Variants in ATP2B4 observed in about 807,000 individuals in gnomAD.
ATP2B4 encodes the protein plasma membrane calcium-transporting ATPase 4.
A neutral mutation model predicts 110.3 loss-of-function variants in ATP2B4; 39 were observed. The observed-to-expected ratio is 0.35, with a 90% CI of 0.27 to 0.46. The LOEUF (loss-of-function observed/expected upper bound fraction) is 0.46, where lower values mean the gene tolerates loss of function less well. Ranked by LOEUF, ATP2B4 falls within the 20% of genes least tolerant of loss-of-function variation. The probability of loss-of-function intolerance (pLI) is 1.00; values close to 1 mark genes in which losing one functional copy is unlikely to be tolerated. For synonymous variants in ATP2B4, 538 were observed against 571.7 expected (o/e 0.94, Z 0.84); for missense variants, 1,135 against 1,530.9 (o/e 0.74, Z 4.32).
intron 9 of ATP2B4, 136 bp from the exon 10 acceptor site, chr1:203,707,726 C>A: frequency 8.2e-7 from 1 of 1,222,150 alleles, no homozygotes; most frequent in Non-Finnish European, 1.2e-6. Context: ...TCACTGCACC[C>A]AGTCAGTATC....
At chr1:203,728,168 A>G (rs763430433) in intron 20 of ATP2B4, 1 of 466,492 alleles carries the variant, frequency 2.1e-6, no homozygotes, top group South Asian at 1.6e-5. Flanking sequence ...TGCAGGATTC[A>G]GACTTGCTTC....
intron 20 of ATP2B4, chr1:203,733,139 C>T: frequency 7.4e-7 from 1 of 1,355,324 alleles, no homozygotes; most frequent in Non-Finnish European, 1.0e-6. Flanking sequence ...CTTCCCCAAC[C>T]TTCCATGACC....
chr1:203,675,600 G>A (rs933748992), intron 1 of ATP2B4, among the ~76,000 whole-genome samples: 10 of 152,112 alleles, frequency 6.6e-5, no homozygotes, highest in Non-Finnish European at 1.2e-4. Flanking sequence ...CTGAGACCCA[G>A]GGGCTACGAG....
At chr1:203,731,581 G>A (rs1450805418) in intron 20 of ATP2B4, among the ~76,000 whole-genome samples, 10 of 152,170 alleles carry the variant, frequency 6.6e-5, no homozygotes, top group Admixed American at 1.3e-4. Context: ...GGCCGGGCGC[G>A]GTGGCTCACA....
chr1:203,627,554 C>A (rs1663125666), intron 1 of ATP2B4, among the ~76,000 whole-genome samples: 1 of 151,986 alleles, frequency 6.6e-6, no homozygotes, highest in South Asian at 2.1e-4. Context: ...CCTCCCTCAA[C>A]CCATTCCGTT....
intron 1 of ATP2B4, among the ~76,000 whole-genome samples, chr1:203,660,820 G>A (rs1664316281): frequency 6.6e-6 from 1 of 150,626 alleles, no homozygotes; most frequent in Admixed American, 6.6e-5. Flanking sequence ...ATAAGAAGAA[G>A]AGCACAGGGA....
At chr1:203,632,305 A>G (rs2102293202) in intron 1 of ATP2B4, among the ~76,000 whole-genome samples, 1 of 151,876 alleles carries the variant, frequency 6.6e-6, no homozygotes, top group South Asian at 2.1e-4. Flanking sequence ...AGTACAGTAT[A>G]TAGTATGCCA....
intron 9 of ATP2B4, among the ~76,000 whole-genome samples, chr1:203,707,494 T>C (rs1483572634): frequency 1.3e-5 from 2 of 151,848 alleles, no homozygotes; most frequent in African/African-American, 4.8e-5. Context: ...TCACCCAGGC[T>C]GGAATGCAAT....
At chr1:203,641,849 G>T (rs893875059) in intron 1 of ATP2B4, among the ~76,000 whole-genome samples, 1 of 152,158 alleles carries the variant, frequency 6.6e-6, no homozygotes, top group African/African-American at 2.4e-5. Context: ...GAGAGCAATG[G>T]TCTTCGCCTT....
At chr1:203,727,593 C>T (rs1666562482) in intron 20 of ATP2B4, 22 bp downstream of exon 20, 1 of 1,611,390 alleles carries the variant, frequency 6.2e-7, no homozygotes, top group Non-Finnish European at 8.5e-7. Context: ...GTGGTCTGTC[C>T]TTCCCTTGGG....
At chr1:203,722,388 G>GC in intron 17 of ATP2B4, 90 bp from the exon 18 acceptor site, 1 of 1,022,166 alleles carries the variant, frequency 9.8e-7, no homozygotes, top group Non-Finnish European at 1.5e-6. Context: ...ATGGACACCA[G>GC]CCATAAGCAA....
intron 3 of ATP2B4, 108 bp from the exon 4 acceptor site, chr1:203,699,352 T>C: frequency 6.9e-7 from 1 of 1,452,230 alleles, no homozygotes; most frequent in Non-Finnish European, 9.4e-7. Flanking sequence ...TTTGCTATTA[T>C]TCACTTTTCC....
intron 2 of ATP2B4, among the ~76,000 whole-genome samples, chr1:203,687,239 A>G (rs947123264): frequency 2.1e-5 from 3 of 145,818 alleles, no homozygotes; most frequent in African/African-American, 7.5e-5. Flanking sequence ...AGATAAGAAA[A>G]GGAGAAAAAA....
chr1:203,633,473 G>C (rs1309984119), intron 1 of ATP2B4, among the ~76,000 whole-genome samples: 2 of 152,088 alleles, frequency 1.3e-5, no homozygotes, highest in Non-Finnish European at 2.9e-5. Flanking sequence ...AAATTAAAAA[G>C]TAAATGCCAG....
chr1:203,644,737 G>C (rs1475501599), intron 1 of ATP2B4, among the ~76,000 whole-genome samples: 1 of 152,138 alleles, frequency 6.6e-6, no homozygotes, highest in Non-Finnish European at 1.5e-5. Flanking sequence ...ATCTTCCTAG[G>C]AAGTTGGTGA....
chr1:203,664,964 T>C (rs572133537), intron 1 of ATP2B4, among the ~76,000 whole-genome samples: 155 of 152,234 alleles, frequency 1.0e-3, no homozygotes, highest in African/African-American at 3.5e-3. Context: ...CCCGAGTAGC[T>C]GGGACTACAG....
intron 2 of ATP2B4, among the ~76,000 whole-genome samples, chr1:203,696,223 G>A (rs1199860225): frequency 8.5e-5 from 13 of 152,102 alleles, no homozygotes; most frequent in Non-Finnish European, 1.5e-4. Context: ...CACCACGCCC[G>A]GCCCACTCTT....
intron 11 of ATP2B4, 90 bp downstream of exon 11, chr1:203,709,632 G>A (rs1207903435): frequency 1.6e-5 from 25 of 1,572,960 alleles, no homozygotes; most frequent in Non-Finnish European, 2.2e-5. Flanking sequence ...ATGTGAATGA[G>A]GGAGCCCTCC....
intron 4 of ATP2B4, among the ~76,000 whole-genome samples, 170 bp from the exon 5 acceptor site, chr1:203,700,036 T>G (rs1665644962): frequency 6.6e-6 from 1 of 152,152 alleles, no homozygotes; most frequent in African/African-American, 2.4e-5. Flanking sequence ...TCTCCCAGAT[T>G]GTACAGAGCT....
Sources: gnomAD v4.1 joint callset for allele counts (sites outside exome capture counted in the v4.1 genomes callset) on GRCh38, gnomAD v4.1.1 for gene constraint, MANE v1.5 for transcripts, NCBI Gene and HGNC (gene_info 2026-07-23, HGNC 2026-07-21) for gene names.